The following RBM25 variants were observed in gnomAD, a reference collection of about 807,000 sequenced individuals.
RBM25 encodes the protein RNA binding motif protein 25.
In RBM25, 19 loss-of-function variants were observed where a neutral mutation model predicts 120.7. The ratio of observed to expected loss-of-function variants is 0.16; its 90% confidence interval spans 0.11 to 0.23. The LOEUF is 0.23. RBM25 is among the 10% of genes least tolerant of loss of function. RBM25 has a pLI of 1.00. For synonymous variants in RBM25, 390 were observed against 326.7 expected (o/e 1.19, Z -2.09); for missense variants, 605 against 1,041.5 (o/e 0.58, Z 5.77).
rs901658321 is a variant in RBM25, at chr14:73,120,117, G to A, written c.*312G>A. 5.2e-5 allele frequency: 11 copies of A among 210,232 alleles called. No individual in the cohort carries two copies. The highest frequency in any genetic ancestry group is 3.0e-4 in the Admixed American group (5 of 16,720). 13.0% of individuals were successfully genotyped at this position (210,232 alleles called of 1,614,324 possible). Reference sequence around the variant, plus strand: ...ATTTGTTTCTTGTAAATATTAAAACGACTCCCCAATTATTTTGCAGAATTG... The same window carrying A: ...ATTTGTTTCTTGTAAATATTAAAACAACTCCCCAATTATTTTGCAGAATTG... On this transcript the variant is annotated 3_prime_UTR_variant, in exon 19 of 19. Coordinates refer to ENST00000261973, the MANE Select transcript of RBM25 (RefSeq NM_021239.3).
Position 73,071,231 on chromosome 14 carries a change from A to G in RBM25, c.-15-396A>G, listed in dbSNP as rs1895281982. Among the ~76,000 whole-genome samples the G allele has an allele frequency of 2.4e-5, 3 of 123,698 alleles. No homozygotes were observed. The Admixed American group carries it at 2.6e-4, about 11-fold the overall frequency. The allele number at this position is 123,698 out of a possible 152,430, so 81.2% of individuals were successfully genotyped here. A position where few individuals can be genotyped will look rare whatever the true frequency, so the allele number is the denominator to read the frequency against. On this transcript the variant is annotated intron_variant, in intron 1 of 18. Coordinates refer to ENST00000261973, the MANE Select transcript of RBM25 (RefSeq NM_021239.3). ...CACTCTAGCCTGTCCACAGAGTGAG[A>G]CTCTGTCTCAAAAAAAAAAAAAAAA...
chr14:73,103,948 T>TCTCTCACACA (rs1594928335), intron 10 of RBM25, among the ~76,000 whole-genome samples: 80 of 91,398 alleles, frequency 8.8e-4, no homozygotes, highest in Non-Finnish European at 1.7e-3. Flanking sequence ...TCTCTCTCTC[T>TCTCTCACACA]CACACACACA....
At chr14:73,107,952 T>C in intron 13 of RBM25, 53 bp downstream of exon 13, 1 of 1,259,032 alleles carries the variant, frequency 7.9e-7, no homozygotes, top group African/African-American at 1.5e-5. Context: ...TAGCTGTGTT[T>C]TTCCATCTGC....
intron 17 of RBM25, among the ~76,000 whole-genome samples, chr14:73,113,684 C>T (rs896482880): frequency 1.3e-5 from 2 of 151,792 alleles, no homozygotes; most frequent in African/African-American, 2.4e-5. Context: ...AAGAGTGAGA[C>T]TCTGTCTCAA....
At chr14:73,108,906 C>G (rs1463230022) in intron 13 of RBM25, among the ~76,000 whole-genome samples, 1 of 152,140 alleles carries the variant, frequency 6.6e-6, no homozygotes, top group African/African-American at 2.4e-5. Flanking sequence ...TCTGTTGATT[C>G]TACACTACTT....
chr14:73,087,901 T>A, intron 5 of RBM25, 100 bp from the exon 6 acceptor site: 1 of 1,168,040 alleles, frequency 8.6e-7, no homozygotes, highest in South Asian at 1.6e-5. Context: ...GAGTGGTCTT[T>A]GTATTAAAAC....
chr14:73,068,531 A>T, intron 1 of RBM25: 1 of 779,728 alleles, frequency 1.3e-6, no homozygotes, highest in Non-Finnish European at 2.1e-6. Flanking sequence ...TAGTGGTTTT[A>T]ACATTAGATG....
At chr14:73,093,545 C>T (rs137869441) in intron 6 of RBM25, among the ~76,000 whole-genome samples, 182 of 152,270 alleles carry the variant, frequency 1.2e-3, no homozygotes, top group African/African-American at 3.9e-3. Context: ...TCACTCTTGT[C>T]GCCCAGGCTG....
chr14:73,076,332 T>G lies in RBM25; in HGVS notation c.120T>G (p.Ile40Met). 1 of 1,612,736 alleles carries G rather than the reference T, an allele frequency of 6.2e-7. No individual in the cohort carries two copies. The highest frequency in any genetic ancestry group is 8.5e-7 in the Non-Finnish European group (1 of 1,178,770). The change falls in exon 3 of 19, where the codon ATT becomes ATG. Residue 40 changes from isoleucine to methionine, a missense_variant. Physicochemically the swap from Ile to Met is conservative, Grantham distance 10. Coordinates refer to ENST00000261973, the MANE Select transcript of RBM25 (RefSeq NM_021239.3). ...PPPVPPGTPM[I>M]PVPMSIMAPA... ...TTCTTTTCTTAGGGACCCCAATGATTCCTGTACCAATGAGCATTATGGCTC... is the reference window on the plus strand; with the variant it reads ...TTCTTTTCTTAGGGACCCCAATGATGCCTGTACCAATGAGCATTATGGCTC...
intron 18 of RBM25, among the ~76,000 whole-genome samples, chr14:73,119,508 G>A (rs530302583): frequency 2.6e-5 from 4 of 152,124 alleles, no homozygotes; most frequent in South Asian, 2.1e-4. Flanking sequence ...CTTGTGATCC[G>A]CTCGCTTCGG....
intron 1 of RBM25, among the ~76,000 whole-genome samples, chr14:73,059,101 G>A (rs1007042374): frequency 6.6e-6 from 1 of 152,082 alleles, no homozygotes; most frequent in Non-Finnish European, 1.5e-5. Context: ...CCCCACAGTA[G>A]GTTTTCGGGC....
In RBM25 at chr14:73,071,751, A is replaced by T; in HGVS notation, c.106+4A>T. The T allele has an allele frequency of 6.3e-7, 1 of 1,599,104 alleles. No individual in the cohort carries two copies. Among genetic ancestry groups the T allele is most frequent in the Non-Finnish European group, 8.6e-7 (1 of 1,166,754 alleles). On this transcript the variant is annotated splice_donor_region_variant and intron_variant, in intron 2 of 18. Transcript: ENST00000261973. ...TTTCCTCCACCTGTACCTCCAGGTA[A>T]GTTTGTTGATACTGTTTTTTGTCGT... is the stretch of plus-strand genomic sequence containing the variant.
intron 2 of RBM25, 103 bp from the exon 3 acceptor site, chr14:73,076,216 T>C (rs770976488): frequency 6.1e-5 from 58 of 952,776 alleles, no homozygotes; most frequent in Non-Finnish European, 9.6e-5. Context: ...ATTTGTCTTA[T>C]ATTTCCACTT....
In RBM25 at chr14:73,064,627, T is replaced by C. The variant is rs902241590; in HGVS notation, c.-16+5922T>C. Among the ~76,000 whole-genome samples, 11 of 151,306 alleles carry C rather than the reference T, an allele frequency of 7.3e-5. 1 individual carries two copies. Among genetic ancestry groups the C allele is most frequent in the Admixed American group, 5.9e-4 (9 of 15,128 alleles). ...CCAGTCTGGCCTCGAACTCCTGACC[T>C]TGTGATCCGCCCGCCTCAGCCTCCC... On this transcript the variant is annotated intron_variant, in intron 1 of 18. Coordinates refer to ENST00000261973, the MANE Select transcript of RBM25 (RefSeq NM_021239.3).
Position 73,120,116 on chromosome 14 carries a change from C to T in RBM25, c.*311C>T, listed in dbSNP as rs187678776. 4.3e-5 allele frequency: 9 copies of T among 207,876 alleles called. No homozygotes were observed. In the East Asian group the frequency reaches 6.0e-4, roughly 14 times the overall value. The allele number at this position is 207,876 out of a possible 1,614,324, so 12.9% of individuals were successfully genotyped here. ...GATTTGTTTCTTGTAAATATTAAAA[C>T]GACTCCCCAATTATTTTGCAGAATT... On this transcript the variant is annotated 3_prime_UTR_variant, in exon 19 of 19. Transcript: ENST00000261973.
intron 10 of RBM25, among the ~76,000 whole-genome samples, chr14:73,105,211 G>A (rs1465195451): frequency 6.7e-6 from 1 of 150,204 alleles, no homozygotes; most frequent in African/African-American, 2.5e-5. Flanking sequence ...GGGCTCATGG[G>A]ATCTTCCCAC....
intron 6 of RBM25, among the ~76,000 whole-genome samples, chr14:73,092,556 AT>A (rs966796681): frequency 6.7e-6 from 1 of 149,830 alleles, no homozygotes; most frequent in Non-Finnish European, 1.5e-5. Flanking sequence ...ATGATCCAGA[AT>A]TTTTTTTTAA....
intron 2 of RBM25, among the ~76,000 whole-genome samples, chr14:73,075,016 A>C (rs1895382023): frequency 6.6e-6 from 1 of 151,268 alleles, no homozygotes; most frequent in Non-Finnish European, 1.5e-5. Flanking sequence ...TAAATAAAGA[A>C]ATGGAGTTTT....
intron 12 of RBM25, 190 bp from the exon 13 acceptor site, chr14:73,107,636 G>A: frequency 1.9e-6 from 1 of 530,864 alleles, no homozygotes; most frequent in Non-Finnish European, 3.3e-6. Context: ...CTGGGATCCA[G>A]GAGAAACTTT....
Sources: gnomAD v4.1 joint callset for allele counts (sites outside exome capture counted in the v4.1 genomes callset) on GRCh38, gnomAD v4.1.1 for gene constraint, MANE v1.5 for transcripts, NCBI Gene and HGNC (gene_info 2026-07-23, HGNC 2026-07-21) for gene names.